The following ZC3H8 variants were observed in gnomAD, a reference collection of about 807,000 sequenced individuals.
ZC3H8 encodes zinc finger CCCH-type containing 8.
Under a neutral mutation model 42.5 loss-of-function variants are expected in ZC3H8, and 27 were observed. The ratio of observed to expected loss-of-function variants is 0.64; its 90% CI spans 0.47 to 0.88. ZC3H8 has a LOEUF of 0.88. Ranked by LOEUF, ZC3H8 falls within the 40% of genes least tolerant of loss-of-function variation. ZC3H8 has a pLI of 0.00. For missense variants in ZC3H8, 277 were observed against 336.1 expected (o/e 0.82, Z 1.37); for synonymous variants, 101 against 110.1 (o/e 0.92, Z 0.52).
intron 8 of ZC3H8, among the ~76,000 whole-genome samples, chr2:112,223,535 A>ACTAT (rs1034411450): frequency 3.6e-4 from 55 of 152,270 alleles, no homozygotes; most frequent in African/African-American, 1.3e-3. Flanking sequence ...GACTTTTTAA[A>ACTAT]CTATCTGCAT....
intron 1 of ZC3H8, among the ~76,000 whole-genome samples, chr2:112,251,077 A>G (rs1685929287): frequency 6.6e-6 from 1 of 152,260 alleles, no homozygotes; most frequent in African/African-American, 2.4e-5. Context: ...AATGGTTGAT[A>G]CTAGAAATAT....
chr2:112,237,371 G>C (rs1685381176), intron 3 of ZC3H8, among the ~76,000 whole-genome samples: 1 of 152,120 alleles, frequency 6.6e-6, no homozygotes, highest in South Asian at 2.1e-4. Context: ...TGTTTACAAT[G>C]ACCTCATAAA....
chr2:112,229,915 T>A (rs1685016798), intron 8 of ZC3H8, among the ~76,000 whole-genome samples: 1 of 141,962 alleles, frequency 7.0e-6, no homozygotes. Flanking sequence ...ATTCCCAAAA[T>A]AAGTAATTCT....
intron 4 of ZC3H8, 98 bp downstream of exon 4, chr2:112,236,464 C>G (rs938978304): frequency 1.7e-5 from 26 of 1,486,710 alleles, no homozygotes; most frequent in Non-Finnish European, 2.1e-5. Context: ...GATGCTTCCA[C>G]CTCTCCATAT....
intron 8 of ZC3H8, 32 bp downstream of exon 8, chr2:112,230,870 GA>G: frequency 6.3e-6 from 8 of 1,266,538 alleles, no homozygotes; most frequent in Non-Finnish European, 8.3e-6. Flanking sequence ...GTTCAGACAA[GA>G]AAAAAAGAAA....
At chr2:112,241,365 G>C (rs1685578065) in intron 2 of ZC3H8, among the ~76,000 whole-genome samples, 1 of 152,084 alleles carries the variant, frequency 6.6e-6, no homozygotes, top group African/African-American at 2.4e-5. Context: ...GCTGGCATTT[G>C]GGAGCAACCC....
chr2:112,220,506 T>A (rs372257878), intron 8 of ZC3H8, among the ~76,000 whole-genome samples: 1 of 152,188 alleles, frequency 6.6e-6, no homozygotes, highest in Non-Finnish European at 1.5e-5. Flanking sequence ...TTGCTGCTGA[T>A]AGGTCTGCTG....
At chr2:112,252,944 C>T (rs1270394850) in intron 1 of ZC3H8, among the ~76,000 whole-genome samples, 1 of 152,152 alleles carries the variant, frequency 6.6e-6, no homozygotes. Context: ...GAGATCGAGA[C>T]CATCCTGTCT....
In ZC3H8 at chr2:112,236,714, T is replaced by TC; in HGVS notation, c.371-20_371-19insG. 6.3e-7 allele frequency: 1 copy of TC among 1,580,134 alleles called. No homozygotes were observed. The highest frequency in any genetic ancestry group is 8.6e-7 in the Non-Finnish European group (1 of 1,162,230). On this transcript the variant is annotated intron_variant, in intron 3 of 8. Transcript: ENST00000409573. ...TTAGCAGCTAAAAACAAAAAATTAATTTAAAAAATGACATAAAGTTACAAT... is the reference window on the plus strand; with the variant it reads ...TTAGCAGCTAAAAACAAAAAATTAATCTTAAAAAATGACATAAAGTTACAAT...
rs545624678 is a variant in ZC3H8 at position 112,232,633 on chromosome 2, G to T, written c.733+627C>A. On this transcript the variant is annotated intron_variant, in intron 6 of 8. Transcript: ENST00000409573. ...CATATCTTACAAATCTGGATCCTTT[G>T]TACATTAGACTTGTTTACAACAGAA... Among the ~76,000 whole-genome samples the T allele has an allele frequency of 9.2e-5, 14 of 152,216 alleles. No individual in the cohort carries two copies. In the South Asian group the frequency reaches 2.9e-3, roughly 32 times the overall value.
intron 8 of ZC3H8, among the ~76,000 whole-genome samples, chr2:112,218,523 A>G (rs185881598): frequency 6.6e-6 from 1 of 152,342 alleles, no homozygotes; most frequent in East Asian, 1.9e-4. Flanking sequence ...ACAGTCTAAA[A>G]AGGAAATTAA....
intron 8 of ZC3H8, among the ~76,000 whole-genome samples, chr2:112,216,849 G>T (rs1040083143): frequency 3.9e-5 from 6 of 152,022 alleles, no homozygotes; most frequent in African/African-American, 1.4e-4. Context: ...AACAAAAAAT[G>T]AGATGAAGAA....
At chr2:112,231,384 CTG>C (rs1346592438) in intron 7 of ZC3H8, among the ~76,000 whole-genome samples, 3 of 152,166 alleles carry the variant, frequency 2.0e-5, no homozygotes, top group Non-Finnish European at 4.4e-5. Context: ...ATACAAATGA[CTG>C]TAACTTTTCA....
intron 2 of ZC3H8, among the ~76,000 whole-genome samples, chr2:112,245,908 G>A (rs1224113995): frequency 6.6e-6 from 1 of 152,070 alleles, no homozygotes; most frequent in Admixed American, 6.6e-5. Flanking sequence ...CTTGCACCCC[G>A]TAAATTTATA....
At chr2:112,234,919 C>G (rs1167215285) in intron 4 of ZC3H8, among the ~76,000 whole-genome samples, 1 of 151,984 alleles carries the variant, frequency 6.6e-6, no homozygotes, top group African/African-American at 2.4e-5. Flanking sequence ...GAACCAAAAG[C>G]AGTGGAATCT....
At chr2:112,241,713 A>C (rs954506475) in intron 2 of ZC3H8, among the ~76,000 whole-genome samples, 1 of 152,204 alleles carries the variant, frequency 6.6e-6, no homozygotes, top group Non-Finnish European at 1.5e-5. Context: ...GCAGATCTCA[A>C]AATACCTTTT....
chr2:112,230,930 CTTCTT>C lies in ZC3H8; in HGVS notation c.859_863del (p.Lys287ValfsTer3), dbSNP rs540736599. On this transcript the variant is annotated frameshift_variant, in exon 8 of 9. Transcript: ENST00000409573. LOFTEE classifies it high-confidence loss of function. ...TTTTATGTCTATTTTATTTACATGA[CTTCTT>C]TTCAGTATCCAAAACCTAATATAAA... 4,440 of 1,266,750 alleles carry C rather than the reference CTTCTT, an allele frequency of 3.5e-3. 14 individuals carry two copies. Among genetic ancestry groups the C allele is most frequent in the Non-Finnish European group, 4.0e-3 (3,891 of 966,520 alleles). The allele number at this position is 1,266,750 out of a possible 1,614,324, so 78.5% of individuals were successfully genotyped here.
chr2:112,229,126 C>T (rs1418454406), intron 8 of ZC3H8, among the ~76,000 whole-genome samples: 1 of 152,062 alleles, frequency 6.6e-6, no homozygotes, highest in Non-Finnish European at 1.5e-5. Flanking sequence ...CAGAAACAGA[C>T]CTTCAGATCT....
chr2:112,248,578 C>T (rs1685839121), intron 2 of ZC3H8, among the ~76,000 whole-genome samples: 1 of 152,022 alleles, frequency 6.6e-6, no homozygotes, highest in Admixed American at 6.5e-5. Context: ...GCAACCTCTG[C>T]CTCCCGGGTT....
Sources: gnomAD v4.1 joint callset for allele counts (sites outside exome capture counted in the v4.1 genomes callset) on GRCh38, gnomAD v4.1.1 for gene constraint, MANE v1.5 for transcripts, NCBI Gene and HGNC (gene_info 2026-07-23, HGNC 2026-07-21) for gene names.